Variants in ENTPD1 observed in about 807,000 individuals in gnomAD.
ENTPD1 encodes ectonucleoside triphosphate diphosphohydrolase 1, also known as ATP diphosphohydrolase.
Under a neutral mutation model 57.0 loss-of-function variants are expected in ENTPD1, and 33 were observed. The ratio of observed to expected loss-of-function variants is 0.58; its 90% CI spans 0.44 to 0.77. The LOEUF (loss-of-function observed/expected upper bound fraction) is 0.77. ENTPD1 is among the 30% of genes least tolerant of loss of function. The pLI is 0.00. For missense variants in ENTPD1, 501 were observed against 603.4 expected (o/e 0.83, Z 1.78); for synonymous variants, 202 against 218.8 (o/e 0.92, Z 0.68).
At chr10:95,788,130 A>C (rs2098187945) in intron 1 of ENTPD1, among the ~76,000 whole-genome samples, 1 of 152,220 alleles carries the variant, frequency 6.6e-6, no homozygotes, top group African/African-American at 2.4e-5. Flanking sequence ...GGTAGGAGAA[A>C]TGACTGACTA....
At chr10:95,835,260 G>T (rs1011101927) in intron 2 of ENTPD1, among the ~76,000 whole-genome samples, 1 of 152,166 alleles carries the variant, frequency 6.6e-6, no homozygotes, top group Non-Finnish European at 1.5e-5. Flanking sequence ...TTGCTGCAAA[G>T]GACATGATTT....
chr10:95,800,680 C>T (rs761388531), intron 1 of ENTPD1, among the ~76,000 whole-genome samples: 12 of 152,082 alleles, frequency 7.9e-5, no homozygotes, highest in African/African-American at 1.9e-4. Context: ...AAGAATTCAG[C>T]GATATTTCTC....
intron 2 of ENTPD1, among the ~76,000 whole-genome samples, chr10:95,827,764 G>A (rs1407457590): frequency 6.6e-6 from 1 of 152,116 alleles, no homozygotes. Context: ...TTACAGGCAT[G>A]AGCCACCACC....
At chr10:95,704,235 A>G in the ENTPD1 span, among the ~76,000 whole-genome samples, 18 of 152,202 alleles carry the variant, frequency 1.2e-4, no homozygotes, top group African/African-American at 4.3e-4. Flanking sequence ...ATTCATGTAT[A>G]GATTCATACA....
chr10:95,756,200 GA>G lies in ENTPD1; in HGVS notation c.-37del, dbSNP rs754820217. 14 of 1,581,414 alleles carry G rather than the reference GA, an allele frequency of 8.9e-6. No individual in the cohort carries two copies. In the East Asian group the frequency reaches 1.6e-4, roughly 18 times the overall value. On this transcript the variant is annotated 5_prime_UTR_variant, in exon 1 of 10. Coordinates refer to ENST00000371205, the MANE Select transcript of ENTPD1 (RefSeq NM_001776.6). ...CACAGCAAGCAGAGGCTGGGGGGGG[GA>G]AAGACGAGGAAAGAGGAGGAAAACA...
intron 2 of ENTPD1, among the ~76,000 whole-genome samples, chr10:95,823,676 G>T (rs1349165450): frequency 6.6e-6 from 1 of 152,170 alleles, no homozygotes; most frequent in Non-Finnish European, 1.5e-5. Flanking sequence ...ACTATGCCAA[G>T]ATTCTATATT....
chr10:95,759,453 G>A (rs2098046330), intron 1 of ENTPD1, among the ~76,000 whole-genome samples: 1 of 152,122 alleles, frequency 6.6e-6, no homozygotes, highest in Non-Finnish European at 1.5e-5. Context: ...CAGAACATCT[G>A]GTTCCATAAA....
intron 1 of ENTPD1, among the ~76,000 whole-genome samples, chr10:95,814,764 CT>C: frequency 6.6e-6 from 1 of 152,182 alleles, no homozygotes; most frequent in East Asian, 1.9e-4. Flanking sequence ...GAGCCAGTAA[CT>C]TCCTCTGACG....
the ENTPD1 span, among the ~76,000 whole-genome samples, chr10:95,699,472 G>A: frequency 6.6e-6 from 1 of 151,902 alleles, no homozygotes; most frequent in Non-Finnish European, 1.5e-5. Context: ...GCCAGGTGTG[G>A]TAGTGCACAC....
chr10:95,717,337 GTTTTTTTTTTTTT>G (rs10609572), intron 1 of ENTPD1, among the ~76,000 whole-genome samples: 1 of 125,954 alleles, frequency 7.9e-6, no homozygotes, highest in Non-Finnish European at 1.7e-5. Flanking sequence ...GATCTGCAGG[GTTTTTTTTTTTTT>G]TTTTTTTTTG....
At chr10:95,826,123 C>A (rs2098375321) in intron 2 of ENTPD1, among the ~76,000 whole-genome samples, 1 of 152,084 alleles carries the variant, frequency 6.6e-6, no homozygotes, top group South Asian at 2.1e-4. Context: ...TCTGGGGAAG[C>A]AAACATATTT....
the ENTPD1 span, among the ~76,000 whole-genome samples, chr10:95,697,523 G>T: frequency 2.0e-5 from 3 of 152,294 alleles, no homozygotes; most frequent in African/African-American, 7.2e-5. Flanking sequence ...TGATCATGAG[G>T]TCTCTGCCTT....
Position 95,866,941 on chromosome 10 carries a change from T to C in ENTPD1, c.*558T>C. ...AATATGTGCTAAAGCCAAAGAGTTT[T>C]ATAAGGAAATATATGTGCTCATGCA... On this transcript the variant is annotated 3_prime_UTR_variant, in exon 10 of 10. Transcript: ENST00000371205. 1 of 1,012,532 alleles carries C rather than the reference T, an allele frequency of 9.9e-7. No individual in the cohort carries two copies. The highest frequency in any genetic ancestry group is 1.2e-6 in the Non-Finnish European group (1 of 845,256). 62.7% of individuals were successfully genotyped at this position (1,012,532 alleles called of 1,614,324 possible). A position where few individuals can be genotyped will look rare whatever the true frequency, so the allele number is the denominator to read the frequency against.
At chr10:95,703,608 G>A in the ENTPD1 span, among the ~76,000 whole-genome samples, 3 of 151,290 alleles carry the variant, frequency 2.0e-5, no homozygotes, top group South Asian at 6.3e-4. Flanking sequence ...ATGGTGAAAC[G>A]CTGTCTCTAC....
intron 1 of ENTPD1, among the ~76,000 whole-genome samples, chr10:95,730,687 T>C (rs1359215727): frequency 6.6e-6 from 1 of 152,190 alleles, no homozygotes; most frequent in Non-Finnish European, 1.5e-5. Flanking sequence ...TTAAAAAAGA[T>C]ATGTGGTGGT....
intron 1 of ENTPD1, among the ~76,000 whole-genome samples, chr10:95,750,207 G>T (rs1260219499): frequency 1.3e-5 from 2 of 152,214 alleles, no homozygotes; most frequent in African/African-American, 4.8e-5. Flanking sequence ...CAGTGTTTGT[G>T]TCTGTGGGAA....
intron 6 of ENTPD1, 85 bp downstream of exon 6, chr10:95,845,681 T>G (rs757688099): frequency 6.8e-6 from 11 of 1,610,832 alleles, no homozygotes; most frequent in Non-Finnish European, 8.5e-6. Context: ...TCAAATTCAG[T>G]AGTTTGTCTG....
intron 1 of ENTPD1, among the ~76,000 whole-genome samples, chr10:95,726,451 G>T (rs2097983747): frequency 6.6e-6 from 1 of 151,978 alleles, no homozygotes; most frequent in Non-Finnish European, 1.5e-5. Context: ...TATTCTTTTA[G>T]GGTATATATG....
At chr10:95,780,519 C>T (rs1448777596) in intron 1 of ENTPD1, among the ~76,000 whole-genome samples, 1 of 152,126 alleles carries the variant, frequency 6.6e-6, no homozygotes, top group Non-Finnish European at 1.5e-5. Context: ...AACTGTTTTG[C>T]TTTATGAGTC....
Sources: gnomAD v4.1 joint callset for allele counts (sites outside exome capture counted in the v4.1 genomes callset) on GRCh38, gnomAD v4.1.1 for gene constraint, MANE v1.5 for transcripts, NCBI Gene and HGNC (gene_info 2026-07-23, HGNC 2026-07-21) for gene names.